Variants in RTCA observed in about 807,000 individuals in gnomAD.
RTCA encodes the protein RNA terminal phosphate cyclase domain 1.
RTCA carries 37 observed loss-of-function variants against 46.1 expected under a neutral mutation model. That is an observed-to-expected ratio of 0.80 (90% confidence interval 0.62 to 1.06). RTCA has a LOEUF of 1.06. RTCA is among the 50% of genes least tolerant of loss of function. RTCA has a pLI of 0.00. For synonymous variants in RTCA, 164 were observed against 158.3 expected (o/e 1.04, Z -0.27); for missense variants, 435 against 455.5 (o/e 0.95, Z 0.41).
rs192027380 is a variant in RTCA, at chr1:100,286,980, T to C, written c.895-119T>C. 2.1e-3 allele frequency: 1,367 copies of C among 663,182 alleles called. 5 individuals carry two copies. Among genetic ancestry groups the C allele is most frequent in the Middle Eastern group, 8.9e-3 (20 of 2,246 alleles). 41.1% of individuals were successfully genotyped at this position (663,182 alleles called of 1,614,324 possible). Reference sequence around the variant, plus strand: ...GAGTATGTCTGGAAACCTAAAGAAATAGAAATTCTGTTTTAGCAATTTTTA... The same window carrying C: ...GAGTATGTCTGGAAACCTAAAGAAACAGAAATTCTGTTTTAGCAATTTTTA... On this transcript the variant is annotated intron_variant, in intron 9 of 10. Coordinates refer to ENST00000370128, the MANE Select transcript of RTCA (RefSeq NM_003729.4).
intron 8 of RTCA, among the ~76,000 whole-genome samples, chr1:100,283,534 C>A (rs369314900): frequency 7.2e-5 from 11 of 152,214 alleles, no homozygotes; most frequent in African/African-American, 2.6e-4. Context: ...ATAAGGGTTA[C>A]TCAACCTGTG....
intron 8 of RTCA, 151 bp downstream of exon 8, chr1:100,277,467 C>A: frequency 1.3e-6 from 1 of 748,842 alleles, no homozygotes; most frequent in Non-Finnish European, 2.1e-6. Context: ...TTCAGACTTT[C>A]AGTCTTTCTC....
intron 9 of RTCA, among the ~76,000 whole-genome samples, chr1:100,286,471 A>C (rs1182878716): frequency 3.3e-5 from 5 of 150,856 alleles, no homozygotes; most frequent in Admixed American, 3.3e-4. Flanking sequence ...AAAAAAAAAA[A>C]AAAAACGAAA....
At chr1:100,275,201 A>G (rs1216630789) in intron 6 of RTCA, among the ~76,000 whole-genome samples, 2 of 152,182 alleles carry the variant, frequency 1.3e-5, no homozygotes, top group Non-Finnish European at 2.9e-5. Context: ...ATACACATGG[A>G]CATAAAGATG....
intron 9 of RTCA, among the ~76,000 whole-genome samples, chr1:100,285,957 C>A (rs1481205784): frequency 6.6e-6 from 1 of 152,156 alleles, no homozygotes; most frequent in Non-Finnish European, 1.5e-5. Flanking sequence ...TTGATGAGCC[C>A]CTGGACTTTG....
Position 100,275,660 on chromosome 1 carries a change from A to G in RTCA, c.677A>G (p.Tyr226Cys). 6 of 1,612,624 alleles carry G rather than the reference A, an allele frequency of 3.7e-6. No individual in the cohort carries two copies. Among genetic ancestry groups the G allele is most frequent in the Non-Finnish European group, 4.2e-6 (5 of 1,179,186 alleles). ...ATCAGAAAGGAGATCCGGGATTTGTATGTTAACATCCAGCCTGTTCAAGAA... is the reference window on the plus strand; with the variant it reads ...ATCAGAAAGGAGATCCGGGATTTGTGTGTTAACATCCAGCCTGTTCAAGAA... ...RCIRKEIRDL[Y>C]VNIQPVQEPK... is the part of the protein sequence containing the mutation. The change falls in exon 7 of 11, where the codon TAT (tyrosine) becomes TGT (cysteine). Residue 226 changes from tyrosine (Y) to cysteine (C), a missense_variant. Transcript: ENST00000370128.
intron 8 of RTCA, among the ~76,000 whole-genome samples, chr1:100,280,875 G>A (rs996346682): frequency 1.3e-5 from 2 of 152,122 alleles, no homozygotes; most frequent in African/African-American, 4.8e-5. Flanking sequence ...GGTGGCATGT[G>A]CTTGTAGTCC....
intron 8 of RTCA, among the ~76,000 whole-genome samples, chr1:100,278,893 TCA>T: frequency 6.6e-6 from 1 of 152,344 alleles, no homozygotes; most frequent in East Asian, 1.9e-4. Context: ...GGGACCTACC[TCA>T]GACGTATTGA....
chr1:100,285,241 C>T lies in RTCA; in HGVS notation c.813C>T (p.Asp271=), dbSNP rs1269612321. 1.2e-6 allele frequency: 2 copies of T among 1,612,876 alleles called. No homozygotes were observed. Among genetic ancestry groups the T allele is most frequent in the African/African-American group, 1.3e-5 (1 of 74,934 alleles). ...GCTTATCTTAAGGTGTAAATGCAGA[C>T]AAAGTTGGAATTGAAGCTGCCGAAA... ...SSLGKRGVNA[D]KVGIEAAEML... is the part of the protein sequence containing the mutation. Residue 271 remains aspartate, a synonymous_variant, in exon 9 of 11, where the codon GAC becomes GAT. Coordinates refer to ENST00000370128, the MANE Select transcript of RTCA (RefSeq NM_003729.4).
intron 3 of RTCA, among the ~76,000 whole-genome samples, chr1:100,269,337 C>T (rs17454140): frequency 0.016 from 2,428 of 150,376 alleles, 116 homozygotes; most frequent in Admixed American, 0.1. Flanking sequence ...ACTAAAACTT[C>T]CCATGTGAAA....
intron 10 of RTCA, among the ~76,000 whole-genome samples, chr1:100,288,756 A>G (rs1224227600): frequency 6.6e-6 from 1 of 152,174 alleles, no homozygotes; most frequent in African/African-American, 2.4e-5. Flanking sequence ...TAATCATTAC[A>G]GAAGTGTCCC....
chr1:100,277,001 G>T (rs990095999), intron 7 of RTCA, among the ~76,000 whole-genome samples: 1 of 152,160 alleles, frequency 6.6e-6, no homozygotes, highest in African/African-American at 2.4e-5. Context: ...TAACTTGTTG[G>T]GGGGCATGGT....
chr1:100,279,024 T>G (rs1384776571), intron 8 of RTCA, among the ~76,000 whole-genome samples: 2 of 152,232 alleles, frequency 1.3e-5, no homozygotes, highest in African/African-American at 4.8e-5. Flanking sequence ...ATATACTAAT[T>G]ACATATTAGG....
rs964554185 is a variant in RTCA, at chr1:100,290,631, T to C, written c.1000-772T>C. Among the ~76,000 whole-genome samples, 4 of 152,196 alleles carry C rather than the reference T, an allele frequency of 2.6e-5. No individual in the cohort carries two copies. In the East Asian group the frequency reaches 5.8e-4, roughly 22 times the overall value. On this transcript the variant is annotated intron_variant, in intron 10 of 10. Transcript: ENST00000370128. ...AGAATTAAAAATTAGCCAGGCATGG[T>C]GGCATGTGCCTGTGGTCCCAGCTAC...
chr1:100,274,886 A>G lies in RTCA; in HGVS notation c.536A>G (p.Asn179Ser). 6.2e-7 allele frequency: 1 copy of G among 1,613,740 alleles called. No homozygotes were observed. Among genetic ancestry groups the G allele is most frequent in the Non-Finnish European group, 8.5e-7 (1 of 1,179,738 alleles). The change falls in exon 6 of 11, where the codon AAC (asparagine) becomes AGC (serine). Residue 179 changes from asparagine to serine, a missense_variant. Transcript: ENST00000370128. ...CGAATGTCACCAGTTAAACAATTGA[A>G]CCCTATAAATTTAACTGAGCGTGGC... ...IVRMSPVKQL[N>S]PINLTERGCV...
At chr1:100,269,319 A>T (rs1285958676) in intron 3 of RTCA, among the ~76,000 whole-genome samples, 1 of 151,130 alleles carries the variant, frequency 6.6e-6, no homozygotes, top group Non-Finnish European at 1.5e-5. Context: ...TAAAGCAAGG[A>T]TTACTTCACT....
rs1235124866 is a variant in RTCA, at chr1:100,266,289, G to T, written c.-87G>T. 1 of 1,539,358 alleles carries T rather than the reference G, an allele frequency of 6.5e-7. No homozygotes were observed. Among genetic ancestry groups the T allele is most frequent in the African/African-American group, 1.4e-5 (1 of 71,756 alleles). On this transcript the variant is annotated 5_prime_UTR_variant, in exon 1 of 11. The change abolishes the stop of an existing upstream ORF in the 5' untranslated region. Transcript: ENST00000370128. ...GCCCCAGGCATGAACCAAGGTTTCTGAACTACTGGGCGGGAGCCAACGTCT... is the reference window on the plus strand; with the variant it reads ...GCCCCAGGCATGAACCAAGGTTTCTTAACTACTGGGCGGGAGCCAACGTCT...
In RTCA at chr1:100,268,044, T is replaced by G. The variant is rs896472897; in HGVS notation, c.147-108T>G. 2.7e-6 allele frequency: 4 copies of G among 1,508,286 alleles called. No individual in the cohort carries two copies. In the Admixed American group the frequency reaches 7.8e-5, roughly 29 times the overall value. 93.4% of individuals were successfully genotyped at this position (1,508,286 alleles called of 1,614,324 possible). Reference sequence around the variant, plus strand: ...ACTGAAGATGTGGCACTTACTGTGGTTAGACCTTGCTGTTTTCTTGCCATT... The same window carrying G: ...ACTGAAGATGTGGCACTTACTGTGGGTAGACCTTGCTGTTTTCTTGCCATT... On this transcript the variant is annotated intron_variant, in intron 2 of 10. Transcript: ENST00000370128.
intron 8 of RTCA, among the ~76,000 whole-genome samples, chr1:100,277,565 C>CT: frequency 6.6e-6 from 1 of 152,270 alleles, no homozygotes; most frequent in East Asian, 1.9e-4. Context: ...CTCTTAGATT[C>CT]ACTAGTTATG....
Sources: allele counts gnomAD v4.1 joint callset (sites outside exome capture counted in the v4.1 genomes callset), GRCh38; gene constraint gnomAD v4.1.1; transcripts MANE v1.5; gene names NCBI Gene and HGNC (gene_info 2026-07-23, HGNC 2026-07-21).